The following NFYA variants were observed in gnomAD, a reference collection of about 807,000 sequenced individuals.
NFYA encodes the protein nuclear transcription factor Y subunit alpha, also known as CAAT-box DNA binding protein subunit A.
NFYA carries 28 observed loss-of-function variants against 52.8 expected under a neutral mutation model. That is an observed-to-expected ratio of 0.53 (90% CI 0.39 to 0.73). NFYA has a LOEUF of 0.73. NFYA is among the 30% of genes least tolerant of loss of function. The pLI is 0.00. For missense variants in NFYA, 234 were observed against 427.0 expected (o/e 0.55, Z 3.98); for synonymous variants, 150 against 150.7 (o/e 1.00, Z 0.03).
intron 7 of NFYA, among the ~76,000 whole-genome samples, chr6:41,092,602 T>G (rs1196205492): frequency 1.3e-5 from 2 of 152,192 alleles, no homozygotes; most frequent in Non-Finnish European, 2.9e-5. Flanking sequence ...TTTTTTTGTC[T>G]TATGACTACT....
intron 2 of NFYA, among the ~76,000 whole-genome samples, chr6:41,079,511 A>G (rs1763850195): frequency 6.6e-6 from 1 of 152,224 alleles, no homozygotes; most frequent in South Asian, 2.1e-4. Context: ...TTTGGCCACA[A>G]CAGACAAACC....
chr6:41,090,410 A>C, intron 6 of NFYA, 101 bp downstream of exon 6: 1 of 617,872 alleles, frequency 1.6e-6, no homozygotes, highest in East Asian at 2.7e-5. Context: ...TTGACACTAC[A>C]TATTTTTTGG....
intron 9 of NFYA, 92 bp downstream of exon 9, chr6:41,094,589 C>T: frequency 2.3e-6 from 2 of 874,650 alleles, no homozygotes; most frequent in Admixed American, 2.1e-5. Context: ...TATTTTCCTA[C>T]TCTGGGACTA....
At chr6:41,078,661 G>A (rs901403973) in intron 1 of NFYA, among the ~76,000 whole-genome samples, 6 of 152,162 alleles carry the variant, frequency 3.9e-5, no homozygotes, top group Non-Finnish European at 8.8e-5. Flanking sequence ...AAGCAATTAC[G>A]TGTTACAACT....
At chr6:41,094,830 T>C (rs1353102976) in intron 9 of NFYA, among the ~76,000 whole-genome samples, 2 of 152,212 alleles carry the variant, frequency 1.3e-5, no homozygotes, top group Non-Finnish European at 2.9e-5. Flanking sequence ...TCCCAGCTAC[T>C]TGGAGGGTTG....
chr6:41,074,043 T>G (rs1477396677), intron 1 of NFYA, among the ~76,000 whole-genome samples: 1 of 152,256 alleles, frequency 6.6e-6, no homozygotes, highest in African/African-American at 2.4e-5. Context: ...TTCATATTAC[T>G]AATCTTATCC....
intron 4 of NFYA, among the ~76,000 whole-genome samples, chr6:41,087,422 G>A (rs1764077602): frequency 6.6e-6 from 1 of 152,054 alleles, no homozygotes; most frequent in Non-Finnish European, 1.5e-5. Flanking sequence ...AAGGTTCTAG[G>A]CATGTTCTTC....
chr6:41,082,806 A>G (rs1003404973), intron 3 of NFYA, among the ~76,000 whole-genome samples: 2 of 152,210 alleles, frequency 1.3e-5, no homozygotes, highest in African/African-American at 4.8e-5. Context: ...AGGGAAAGAG[A>G]TAGCATGAGA....
intron 2 of NFYA, among the ~76,000 whole-genome samples, chr6:41,079,900 A>G (rs1763860308): frequency 6.6e-6 from 1 of 152,206 alleles, no homozygotes; most frequent in Non-Finnish European, 1.5e-5. Flanking sequence ...GGTAGTATTG[A>G]TGATGAGTTT....
intron 5 of NFYA, 100 bp downstream of exon 5, chr6:41,089,810 G>GA: frequency 6.8e-7 from 1 of 1,468,316 alleles, no homozygotes; most frequent in Non-Finnish European, 9.1e-7. Context: ...TAGAAAAGGG[G>GA]ATGAAAACCA....
chr6:41,090,914 T>A (rs1412809879), intron 6 of NFYA, among the ~76,000 whole-genome samples: 1 of 152,164 alleles, frequency 6.6e-6, no homozygotes, highest in East Asian at 1.9e-4. Flanking sequence ...AAAAAGGACA[T>A]CTTTGTTAGA....
At chr6:41,085,166 C>T (rs1216700898) in intron 4 of NFYA, among the ~76,000 whole-genome samples, 1 of 152,184 alleles carries the variant, frequency 6.6e-6, no homozygotes, top group East Asian at 1.9e-4. Context: ...AAAGGCACCT[C>T]ACTATCTGTT....
intron 1 of NFYA, among the ~76,000 whole-genome samples, chr6:41,077,002 C>T (rs1763749870): frequency 6.6e-6 from 1 of 152,086 alleles, no homozygotes; most frequent in Admixed American, 6.6e-5. Context: ...TTAAATATTG[C>T]TAAATTGGTT....
chr6:41,099,779 C>T lies in NFYA; in HGVS notation c.*2369C>T, dbSNP rs1185183795. 6.6e-6 allele frequency: 1 copy of T among 150,750 alleles called. No homozygotes were observed. The highest frequency in any genetic ancestry group is 2.4e-5 in the African/African-American group (1 of 40,950). 9.3% of individuals were successfully genotyped at this position (150,750 alleles called of 1,614,324 possible). ...ATTTTAACTGCACTGGTACATTGAA[C>T]ATGTCAGTGTCGATGCCACTGGACC... is the stretch of plus-strand genomic sequence containing the variant. On this transcript the variant is annotated 3_prime_UTR_variant, in exon 10 of 10. Transcript: ENST00000341376.
chr6:41,098,676 C>G lies in NFYA; in HGVS notation c.*1266C>G, dbSNP rs1340995844. On this transcript the variant is annotated 3_prime_UTR_variant, in exon 10 of 10. Transcript: ENST00000341376. ...GCCCTAGAAAGCGAGCATTTTCATT[C>G]TTCCCATGGCAGCTGATTCTTTGGT... 6.6e-6 allele frequency: 1 copy of G among 152,670 alleles called. No homozygotes were observed. The highest frequency in any genetic ancestry group is 1.5e-5 in the Non-Finnish European group (1 of 68,068). 9.5% of individuals were successfully genotyped at this position (152,670 alleles called of 1,614,324 possible).
At chr6:41,092,314 T>A (rs1401190629) in intron 7 of NFYA, among the ~76,000 whole-genome samples, 2 of 152,164 alleles carry the variant, frequency 1.3e-5, no homozygotes, top group Non-Finnish European at 2.9e-5. Context: ...ATGGCTTAAG[T>A]CCAGGAGTTT....
intron 4 of NFYA, 37 bp downstream of exon 4, chr6:41,084,229 A>G (rs771924143): frequency 1.8e-5 from 29 of 1,599,678 alleles, no homozygotes; most frequent in Non-Finnish European, 1.8e-5. Context: ...AGTATATCAG[A>G]GGAGAGGTTT....
At chr6:41,087,729 G>T (rs1764085276) in intron 4 of NFYA, among the ~76,000 whole-genome samples, 1 of 151,906 alleles carries the variant, frequency 6.6e-6, no homozygotes, top group Non-Finnish European at 1.5e-5. Flanking sequence ...AAAAAAAAGT[G>T]TTCACTAGTT....
At chr6:41,078,494 A>C (rs1363514394) in intron 1 of NFYA, among the ~76,000 whole-genome samples, 1 of 152,148 alleles carries the variant, frequency 6.6e-6, no homozygotes, top group Non-Finnish European at 1.5e-5. Flanking sequence ...TATCATTTTA[A>C]TTTTTTAATG....
Sources: allele counts gnomAD v4.1 joint callset (sites outside exome capture counted in the v4.1 genomes callset), GRCh38; gene constraint gnomAD v4.1.1; transcripts MANE v1.5; gene names NCBI Gene and HGNC (gene_info 2026-07-23, HGNC 2026-07-21).